CNTN4: variants seen among roughly 807,000 people sequenced by gnomAD.
The protein encoded by CNTN4 is contactin-4.
CNTN4 carries 77 observed loss-of-function variants against 122.5 expected under a neutral mutation model. The observed-to-expected ratio is 0.63, with a 90% CI of 0.52 to 0.76. The LOEUF is 0.76. CNTN4 is among the 30% of genes least tolerant of loss of function. The pLI is 0.00. For synonymous variants in CNTN4, 512 were observed against 447.0 expected (o/e 1.15, Z -1.83); for missense variants, 1,256 against 1,259.1 (o/e 1.00, Z 0.04).
chr3:2,111,161 C>A (rs114409531), intron 2 of CNTN4, among the ~76,000 whole-genome samples: 1 of 152,138 alleles, frequency 6.6e-6, no homozygotes, highest in East Asian at 1.9e-4. Context: ...TCAGAATTCC[C>A]GATACCAAAA....
At chr3:2,317,746 C>A (rs1180766914) in intron 2 of CNTN4, among the ~76,000 whole-genome samples, 2 of 152,112 alleles carry the variant, frequency 1.3e-5, no homozygotes, top group African/African-American at 4.8e-5. Context: ...TTGTAAAATG[C>A]TAGGTAGGAG....
intron 4 of CNTN4, among the ~76,000 whole-genome samples, chr3:2,592,540 G>C (rs1056557395): frequency 6.6e-6 from 1 of 152,048 alleles, no homozygotes; most frequent in Non-Finnish European, 1.5e-5. Context: ...ATAGTGAATG[G>C]GTCTCATGAG....
At chr3:2,759,495 A>G (rs991544982) in intron 6 of CNTN4, among the ~76,000 whole-genome samples, 1 of 152,172 alleles carries the variant, frequency 6.6e-6, no homozygotes, top group African/African-American at 2.4e-5. Flanking sequence ...ATATGGATGT[A>G]ACTCCATTAT....
chr3:2,779,462 G>A (rs925178711), intron 6 of CNTN4, among the ~76,000 whole-genome samples: 1 of 152,184 alleles, frequency 6.6e-6, no homozygotes, highest in African/African-American at 2.4e-5. Flanking sequence ...GCCTCCCAAA[G>A]TGCTGGGATT....
At chr3:2,976,696 C>A (rs927703635) in intron 13 of CNTN4, among the ~76,000 whole-genome samples, 1 of 152,180 alleles carries the variant, frequency 6.6e-6, no homozygotes, top group African/African-American at 2.4e-5. Context: ...TACCACAAAA[C>A]AATCTTTCTT....
At chr3:2,979,438 G>A (rs1355743763) in intron 13 of CNTN4, among the ~76,000 whole-genome samples, 2 of 152,216 alleles carry the variant, frequency 1.3e-5, no homozygotes, top group Non-Finnish European at 2.9e-5. Context: ...GACAGTAGCA[G>A]TAATTATTTT....
At chr3:3,050,646 T>C (rs1228575476) in intron 23 of CNTN4, among the ~76,000 whole-genome samples, 1 of 151,124 alleles carries the variant, frequency 6.6e-6, no homozygotes, top group African/African-American at 2.4e-5. Context: ...GCCTGTAATG[T>C]TAGCTACTTG....
chr3:2,288,914 G>A (rs1320151996), intron 2 of CNTN4, among the ~76,000 whole-genome samples: 5 of 152,044 alleles, frequency 3.3e-5, no homozygotes, highest in African/African-American at 1.2e-4. Flanking sequence ...GAAATTCCAA[G>A]GAATAGAGTT....
chr3:2,631,514 T>C (rs978609147), intron 4 of CNTN4, among the ~76,000 whole-genome samples: 25 of 152,188 alleles, frequency 1.6e-4, no homozygotes, highest in Admixed American at 1.4e-3. Context: ...GAGCATGAGA[T>C]TGATTCAGTC....
At chr3:2,265,408 CA>C (rs1477040858) in intron 2 of CNTN4, among the ~76,000 whole-genome samples, 4 of 151,918 alleles carry the variant, frequency 2.6e-5, no homozygotes, top group Non-Finnish European at 4.4e-5. Flanking sequence ...TGTTTTGTTC[CA>C]TTGGTCCATT....
intron 7 of CNTN4, 62 bp downstream of exon 7, chr3:2,819,643 TC>T: frequency 8.1e-7 from 1 of 1,237,432 alleles, no homozygotes; most frequent in Non-Finnish European, 1.2e-6. Context: ...TCCTCAATGT[TC>T]TCCCTCCTGA....
At chr3:2,589,809 C>T (rs181557085) in intron 4 of CNTN4, among the ~76,000 whole-genome samples, 20 of 152,284 alleles carry the variant, frequency 1.3e-4, no homozygotes, top group Non-Finnish European at 4.4e-5. Context: ...TCTTCTGTAC[C>T]GCATGGAGCT....
At chr3:2,500,602 T>C (rs1380764926) in intron 3 of CNTN4, among the ~76,000 whole-genome samples, 1 of 152,166 alleles carries the variant, frequency 6.6e-6, no homozygotes, top group African/African-American at 2.4e-5. Flanking sequence ...GGGTATCCAC[T>C]GGTACACTAA....
chr3:2,797,273 C>T lies in CNTN4; in HGVS notation c.359-22213C>T, dbSNP rs576285316. On this transcript the variant is annotated intron_variant, in intron 6 of 24. Coordinates refer to ENST00000418658, the MANE Select transcript of CNTN4 (RefSeq NM_175607.3). Reference sequence around the variant, plus strand: ...CCTCCCAAAGCACTGGGATTACAGGCGTGAACCACCACTCCCAGACCAGAA... The same window carrying T: ...CCTCCCAAAGCACTGGGATTACAGGTGTGAACCACCACTCCCAGACCAGAA... 3.3e-5 allele frequency among the ~76,000 whole-genome samples: 5 copies of T among 152,268 alleles called. No individual in the cohort carries two copies. The East Asian group carries it at 5.8e-4, about 18-fold the overall frequency.
At chr3:2,200,084 C>T (rs59495772) in intron 2 of CNTN4, among the ~76,000 whole-genome samples, 2,375 of 152,072 alleles carry the variant, frequency 0.016, 63 homozygotes, top group African/African-American at 0.055. Flanking sequence ...AAAAACATTA[C>T]CCCTGCAGTA....
intron 2 of CNTN4, among the ~76,000 whole-genome samples, chr3:2,133,677 A>G (rs2034554479): frequency 6.6e-6 from 1 of 152,172 alleles, no homozygotes; most frequent in African/African-American, 2.4e-5. Context: ...AACTGGACAA[A>G]TGAAAGCCCT....
intron 2 of CNTN4, among the ~76,000 whole-genome samples, chr3:2,214,485 C>G (rs890480055): frequency 6.6e-6 from 1 of 152,130 alleles, no homozygotes; most frequent in African/African-American, 2.4e-5. Flanking sequence ...GTCCATGCCT[C>G]CATCTTTCTT....
chr3:2,850,870 A>C (rs912140813), intron 7 of CNTN4, among the ~76,000 whole-genome samples: 8 of 152,144 alleles, frequency 5.3e-5, no homozygotes, highest in African/African-American at 1.9e-4. Context: ...TTAACTTAAG[A>C]ATGTGTTTCA....
chr3:2,648,466 A>G (rs1037382004), intron 4 of CNTN4, among the ~76,000 whole-genome samples: 2 of 152,104 alleles, frequency 1.3e-5, no homozygotes, highest in Admixed American at 1.3e-4. Context: ...TATTCTTACT[A>G]TTATATCTGT....
Sources: allele counts gnomAD v4.1 joint callset (sites outside exome capture counted in the v4.1 genomes callset), GRCh38; gene constraint gnomAD v4.1.1; transcripts MANE v1.5; gene names NCBI Gene and HGNC (gene_info 2026-07-23, HGNC 2026-07-21).